SERPINB10: variants seen among roughly 807,000 people sequenced by gnomAD.
The protein encoded by SERPINB10 is serpin family B member 10.
Under a neutral mutation model 39.1 loss-of-function variants are expected in SERPINB10, and 35 were observed. The observed-to-expected ratio is 0.90, with a 90% CI of 0.68 to 1.19. SERPINB10 has a LOEUF of 1.19. Ranked by LOEUF, SERPINB10 falls within the 50% of genes most tolerant of loss-of-function variation. The pLI is 0.00. For missense variants in SERPINB10, 546 were observed against 460.5 expected, an observed-to-expected ratio of 1.19 and a Z score of -1.70; for synonymous variants, 190 against 158.1, an observed-to-expected ratio of 1.20 and a Z score of -1.52.
chr18:63,929,810 C>A (rs2050208329), intron 5 of SERPINB10, among the ~76,000 whole-genome samples: 2 of 149,168 alleles, frequency 1.3e-5, no homozygotes, highest in South Asian at 4.3e-4. Context: ...CAAATTTGTA[C>A]TTTATGTGGA....
At chr18:63,925,578 A>C (rs2050175653) in intron 5 of SERPINB10, among the ~76,000 whole-genome samples, 1 of 151,982 alleles carries the variant, frequency 6.6e-6, no homozygotes, top group Non-Finnish European at 1.5e-5. Flanking sequence ...AAAATAAATA[A>C]TGATAGTAAT....
intron 4 of SERPINB10, 73 bp downstream of exon 4, chr18:63,918,175 T>G: frequency 6.6e-7 from 1 of 1,516,620 alleles, no homozygotes. Flanking sequence ...AAACTCTGTA[T>G]ATTTCTTTAG....
chr18:63,935,184 T>C lies in SERPINB10; in HGVS notation c.1136T>C (p.Phe379Ser), dbSNP rs1414832402. ...AATGCAAATCACCCATTCCTCTTCT[T>C]CATCAGGCACAATAAAACCAACACC... ...EFNANHPFLF[F>S]IRHNKTNTIL... is the part of the protein sequence containing the mutation. The change falls in exon 8 of 8, where the codon TTC (phenylalanine) becomes TCC (serine). Residue 379 changes from phenylalanine (F) to serine (S), a missense_variant. Coordinates refer to ENST00000238508, the MANE Select transcript of SERPINB10 (RefSeq NM_005024.3). 4.3e-6 allele frequency: 7 copies of C among 1,611,810 alleles called. No homozygotes were observed. In the South Asian group the frequency reaches 6.6e-5, roughly 15 times the overall value.
chr18:63,935,014 C>A lies in SERPINB10; in HGVS notation c.966C>A (p.Phe322Leu). ...CCTTCAGCCAAAGCAAAGCTGATTTCTCAGGAATGTCTTCAGCAAGAAACC... is the reference window on the plus strand; with the variant it reads ...CCTTCAGCCAAAGCAAAGCTGATTTATCAGGAATGTCTTCAGCAAGAAACC... The part of the protein sequence containing the change: ...SDAFSQSKAD[F>L]SGMSSARNLF... Residue 322 changes from phenylalanine to leucine, a missense_variant, in exon 8 of 8, where the codon TTC (phenylalanine) becomes TTA (leucine). Coordinates refer to ENST00000238508, the MANE Select transcript of SERPINB10 (RefSeq NM_005024.3). 6.2e-7 allele frequency: 1 copy of A among 1,614,218 alleles called. No individual in the cohort carries two copies. The highest frequency in any genetic ancestry group is 8.5e-7 in the Non-Finnish European group (1 of 1,180,032).
chr18:63,933,309 C>T lies in SERPINB10; in HGVS notation c.789+106C>T, dbSNP rs1025937101. Reference sequence around the variant, plus strand: ...AATTGTCCTCAGGAAGAATGTTCTCCCTATTATTTAATTCCTATAGAGAAA... The same window carrying T: ...AATTGTCCTCAGGAAGAATGTTCTCTCTATTATTTAATTCCTATAGAGAAA... On this transcript the variant is annotated intron_variant, in intron 7 of 7. Transcript: ENST00000238508. The T allele has an allele frequency of 3.1e-5, 39 of 1,248,614 alleles. No homozygotes were observed. The South Asian group carries it at 4.7e-4, about 15-fold the overall frequency. The allele number at this position is 1,248,614 out of a possible 1,614,324, so 77.3% of individuals were successfully genotyped here.
intron 1 of SERPINB10, among the ~76,000 whole-genome samples, chr18:63,913,079 T>C (rs1427081416): frequency 1.3e-5 from 2 of 151,844 alleles, no homozygotes; most frequent in Middle Eastern, 3.2e-3. Context: ...GTAGTCATAG[T>C]AGTCTCTGAG....
rs2050133617 is a variant in SERPINB10 at position 63,919,850 on chromosome 18, A to G, written c.435A>G (p.Glu145=). The part of the protein sequence containing the change: ...GAEPQPVNFV[E]ASDQIRKDIN... ...AACCTCAGCCTGTTAACTTTGTGGA[A>G]GCTTCTGATCAAATCAGAAAGGACA... is the stretch of plus-strand genomic sequence containing the variant. Residue 145 remains glutamate, a synonymous_variant, in exon 5 of 8, where the codon GAA becomes GAG. Transcript: ENST00000238508. The G allele has an allele frequency of 6.2e-7, 1 of 1,610,884 alleles. No individual in the cohort carries two copies. Among genetic ancestry groups the G allele is most frequent in the Admixed American group, 1.7e-5 (1 of 59,670 alleles).
At chr18:63,928,001 A>G (rs925152035) in intron 5 of SERPINB10, among the ~76,000 whole-genome samples, 4 of 152,024 alleles carry the variant, frequency 2.6e-5, no homozygotes, top group Non-Finnish European at 5.9e-5. Context: ...ACCTGTCTAC[A>G]TGTCTGGGGT....
In SERPINB10 at chr18:63,935,271, C is replaced by T. The variant is rs1425612679; in HGVS notation, c.*29C>T. 2.0e-6 allele frequency: 3 copies of T among 1,511,860 alleles called. No individual in the cohort carries two copies. The highest frequency in any genetic ancestry group is 2.6e-6 in the Non-Finnish European group (3 of 1,136,798). 93.7% of individuals were successfully genotyped at this position (1,511,860 alleles called of 1,614,324 possible). ...CTGCATATCTCTCAACAAACAAGACCATCTTACAGTGTGAAAAATGTACCA... is the reference window on the plus strand; with the variant it reads ...CTGCATATCTCTCAACAAACAAGACTATCTTACAGTGTGAAAAATGTACCA... On this transcript the variant is annotated 3_prime_UTR_variant, in exon 8 of 8. Transcript: ENST00000238508.
At chr18:63,931,173 G>A (rs2050219329) in intron 6 of SERPINB10, among the ~76,000 whole-genome samples, 1 of 152,152 alleles carries the variant, frequency 6.6e-6, no homozygotes, top group Admixed American at 6.5e-5. Flanking sequence ...CAAAAAACTG[G>A]GAAGTCCAGG....
At chr18:63,924,043 A>G (rs1485984426) in intron 5 of SERPINB10, among the ~76,000 whole-genome samples, 2 of 151,898 alleles carry the variant, frequency 1.3e-5, no homozygotes, top group African/African-American at 4.8e-5. Context: ...GCTTATTGTT[A>G]AGTCTTTTTG....
Position 63,935,454 on chromosome 18 carries a change from A to G in SERPINB10, c.*212A>G. ...GACGATTTTTATTTTTAACACGTTA[A>G]CATTTTGTCTAATGTGACTTTCATT... On this transcript the variant is annotated 3_prime_UTR_variant, in exon 8 of 8. Coordinates refer to ENST00000238508, the MANE Select transcript of SERPINB10 (RefSeq NM_005024.3). The G allele has an allele frequency of 2.1e-6, 1 of 486,996 alleles. No homozygotes were observed. The highest frequency in any genetic ancestry group is 3.5e-6 in the Non-Finnish European group (1 of 282,128). The allele number at this position is 486,996 out of a possible 1,614,324, so 30.2% of individuals were successfully genotyped here.
chr18:63,912,163 C>A (rs192110501), intron 1 of SERPINB10, among the ~76,000 whole-genome samples: 53 of 152,016 alleles, frequency 3.5e-4, no homozygotes, highest in African/African-American at 1.2e-3. Flanking sequence ...AGCCATTTTT[C>A]GGTTCCAGGA....
chr18:63,925,379 C>T (rs1195192903), intron 5 of SERPINB10, among the ~76,000 whole-genome samples: 1 of 151,760 alleles, frequency 6.6e-6, no homozygotes, highest in African/African-American at 2.4e-5. Context: ...CTCCTTCTTT[C>T]AAAAAAAGAA....
chr18:63,919,880 C>G lies in SERPINB10; in HGVS notation c.465C>G (p.Asn155Lys). 6.2e-7 allele frequency: 1 copy of G among 1,609,868 alleles called. No individual in the cohort carries two copies. The highest frequency in any genetic ancestry group is 1.1e-5 in the South Asian group (1 of 90,810). The change falls in exon 5 of 8, where the codon AAC becomes AAG. Residue 155 changes from asparagine to lysine, a missense_variant. Physicochemically the swap from Asn to Lys is moderately conservative, Grantham distance 94. Coordinates refer to ENST00000238508, the MANE Select transcript of SERPINB10 (RefSeq NM_005024.3). Reference sequence around the variant, plus strand: ...CTGATCAAATCAGAAAGGACATCAACTCTTGGGTTGAAAGACAGACCGAGG... The same window carrying G: ...CTGATCAAATCAGAAAGGACATCAAGTCTTGGGTTGAAAGACAGACCGAGG... ...EASDQIRKDI[N>K]SWVERQTEGK...
intron 6 of SERPINB10, among the ~76,000 whole-genome samples, chr18:63,931,119 T>G: frequency 6.6e-6 from 1 of 152,148 alleles, no homozygotes; most frequent in East Asian, 1.9e-4. Flanking sequence ...TATTCCAAAC[T>G]AGCTCTGGCA....
chr18:63,913,445 C>T (rs964244006), intron 1 of SERPINB10, among the ~76,000 whole-genome samples: 12 of 151,896 alleles, frequency 7.9e-5, no homozygotes, highest in Admixed American at 2.6e-4. Context: ...CACTGCTTTT[C>T]GCTGCATCTT....
At chr18:63,922,657 T>C (rs2050154410) in intron 5 of SERPINB10, among the ~76,000 whole-genome samples, 2 of 151,900 alleles carry the variant, frequency 1.3e-5, no homozygotes, top group East Asian at 1.9e-4. Flanking sequence ...TAGGGGTTGG[T>C]CCTTGCCTTG....
chr18:63,934,708 T>A (rs2050248535), intron 7 of SERPINB10, 130 bp from the exon 8 acceptor site: 1 of 874,622 alleles, frequency 1.1e-6, no homozygotes, highest in African/African-American at 1.7e-5. Flanking sequence ...CAGATGTGTG[T>A]GTGTTGTCAC....
Sources: allele counts gnomAD v4.1 joint callset (sites outside exome capture counted in the v4.1 genomes callset), GRCh38; gene constraint gnomAD v4.1.1; transcripts MANE v1.5; gene names NCBI Gene and HGNC (gene_info 2026-07-23, HGNC 2026-07-21).